SORCS2: variants seen among roughly 807,000 people sequenced by gnomAD.
SORCS2 encodes the protein sortilin related VPS10 domain containing receptor 2.
A neutral mutation model predicts 141.6 loss-of-function variants in SORCS2; 100 were observed. The ratio of observed to expected loss-of-function variants is 0.71; its 90% confidence interval spans 0.60 to 0.83. The LOEUF (loss-of-function observed/expected upper bound fraction) is 0.83. Ranked by LOEUF, SORCS2 falls within the 40% of genes least tolerant of loss-of-function variation. The pLI is 0.00. For missense variants in SORCS2, 1,646 were observed against 1,560.2 expected, an observed-to-expected ratio of 1.05 and a Z score of -0.93; for synonymous variants, 789 against 676.9, an observed-to-expected ratio of 1.17 and a Z score of -2.57.
intron 2 of SORCS2, among the ~76,000 whole-genome samples, chr4:7,404,318 G>A (rs10010529): frequency 0.49 from 74,000 of 151,834 alleles, 19,656 homozygotes; most frequent in Middle Eastern, 0.62. Flanking sequence ...GAGTGCAGGT[G>A]TCTTTTTGAT....
At chr4:7,474,085 A>G (rs7668114) in intron 2 of SORCS2, among the ~76,000 whole-genome samples, 140,539 of 152,242 alleles carry the variant, frequency 0.92, 64,909 homozygotes, top group South Asian at 0.97. Context: ...TCCCCCTCAG[A>G]GCTGGGGACT....
rs914821587 is a variant in SORCS2 at position 7,714,344 on chromosome 4, G to C, written c.2094G>C (p.Val698=). 6.4e-7 allele frequency: 1 copy of C among 1,563,734 alleles called. No homozygotes were observed. The highest frequency in any genetic ancestry group is 1.2e-5 in the South Asian group (1 of 84,874). ...TCACGTCGGCGCTCACGTCCCGCGTGTGCGAGTGCCGGGACTCGGACTTCC... is the reference window on the plus strand; with the variant it reads ...TCACGTCGGCGCTCACGTCCCGCGTCTGCGAGTGCCGGGACTCGGACTTCC... The part of the protein sequence containing the change: ...RSFTSALTSR[V]CECRDSDFLC... The change falls in exon 16 of 27, where the codon GTG becomes GTC. Residue 698 remains valine (V), a synonymous_variant. Transcript: ENST00000507866.
At chr4:7,566,087 A>G (rs1560391298) in intron 3 of SORCS2, among the ~76,000 whole-genome samples, 1 of 149,048 alleles carries the variant, frequency 6.7e-6, no homozygotes, top group Non-Finnish European at 1.5e-5. Context: ...TAATGATGAC[A>G]GAGATGATGA....
At chr4:7,530,509 C>G (rs974451630) in intron 2 of SORCS2, among the ~76,000 whole-genome samples, 1 of 152,224 alleles carries the variant, frequency 6.6e-6, no homozygotes, top group Non-Finnish European at 1.5e-5. Flanking sequence ...TGTGCCTCTC[C>G]CCACCTTGGG....
intron 1 of SORCS2, among the ~76,000 whole-genome samples, chr4:7,247,842 G>A (rs1027816215): frequency 5.3e-5 from 8 of 152,234 alleles, no homozygotes; most frequent in Non-Finnish European, 1.0e-4. Context: ...TAAGCTGGTG[G>A]GTGGGAAAGT....
intron 1 of SORCS2, among the ~76,000 whole-genome samples, chr4:7,370,886 C>A (rs966368550): frequency 1.3e-5 from 2 of 152,148 alleles, no homozygotes; most frequent in African/African-American, 2.4e-5. Flanking sequence ...CTAGCACGTC[C>A]CCTCAATCCC....
intron 1 of SORCS2, among the ~76,000 whole-genome samples, chr4:7,331,701 A>G (rs1415540075): frequency 1.3e-5 from 2 of 152,170 alleles, no homozygotes; most frequent in Non-Finnish European, 2.9e-5. Context: ...GTCGGGGTGA[A>G]GCAGGAAAGT....
At chr4:7,337,536 G>T (rs750488519) in intron 1 of SORCS2, among the ~76,000 whole-genome samples, 5 of 152,130 alleles carry the variant, frequency 3.3e-5, no homozygotes, top group Non-Finnish European at 5.9e-5. Flanking sequence ...GACCTGGCTT[G>T]TTGGAGGAGC....
At chr4:7,267,547 C>A (rs1577339146) in intron 1 of SORCS2, among the ~76,000 whole-genome samples, 1 of 152,176 alleles carries the variant, frequency 6.6e-6, no homozygotes, top group Non-Finnish European at 1.5e-5. Flanking sequence ...ACCAGCTCAG[C>A]CAGCCAGGCA....
chr4:7,199,897 G>A (rs142934005), intron 1 of SORCS2, among the ~76,000 whole-genome samples: 2 of 152,042 alleles, frequency 1.3e-5, no homozygotes, highest in African/African-American at 4.8e-5. Context: ...AAGGTGCCCT[G>A]CCTTGCTGGG....
intron 1 of SORCS2, among the ~76,000 whole-genome samples, chr4:7,272,815 G>A (rs1715235124): frequency 6.6e-6 from 1 of 152,276 alleles, no homozygotes; most frequent in African/African-American, 2.4e-5. Flanking sequence ...GGAAAGGAAT[G>A]TTTCTTCAAA....
intron 4 of SORCS2, among the ~76,000 whole-genome samples, chr4:7,638,743 C>T (rs1176907205): frequency 6.6e-6 from 1 of 152,208 alleles, no homozygotes; most frequent in African/African-American, 2.4e-5. Flanking sequence ...GCACCAGGCT[C>T]AGAGGCTCAA....
At chr4:7,434,616 C>A in intron 2 of SORCS2, 1 of 1,613,406 alleles carries the variant, frequency 6.2e-7, no homozygotes, top group African/African-American at 1.3e-5. Context: ...TCACCAAAGC[C>A]AGGATGTCAG....
chr4:7,423,113 G>A (rs1234003833), intron 2 of SORCS2, among the ~76,000 whole-genome samples: 5 of 150,970 alleles, frequency 3.3e-5, no homozygotes, highest in Admixed American at 6.6e-5. Context: ...CACCTCCTCC[G>A]AGCCACTCCC....
intron 3 of SORCS2, among the ~76,000 whole-genome samples, chr4:7,631,210 G>A (rs1208484932): frequency 6.6e-6 from 1 of 151,592 alleles, no homozygotes; most frequent in Non-Finnish European, 1.5e-5. Flanking sequence ...GCAGCGTCCC[G>A]CGGGCCGGGG....
intron 1 of SORCS2, among the ~76,000 whole-genome samples, chr4:7,321,003 A>G (rs969815490): frequency 1.1e-4 from 17 of 149,068 alleles, no homozygotes; most frequent in African/African-American, 4.2e-4. Flanking sequence ...GATGAATTGT[A>G]TAGTGGGGAA....
At chr4:7,287,364 C>T (rs527995864) in intron 1 of SORCS2, among the ~76,000 whole-genome samples, 10 of 152,374 alleles carry the variant, frequency 6.6e-5, no homozygotes, top group Middle Eastern at 3.4e-3. Context: ...TGCGTCCCAA[C>T]GGGTTCTCAG....
chr4:7,528,614 C>T (rs1471617285), intron 2 of SORCS2, among the ~76,000 whole-genome samples: 4 of 151,912 alleles, frequency 2.6e-5, no homozygotes, highest in Non-Finnish European at 4.4e-5. Flanking sequence ...TTAGTAGAGA[C>T]GAGGTTTCAC....
chr4:7,601,180 T>C (rs557120502), intron 3 of SORCS2, among the ~76,000 whole-genome samples: 85 of 152,336 alleles, frequency 5.6e-4, no homozygotes, highest in African/African-American at 2.0e-3. Flanking sequence ...AATAAGTATC[T>C]TTATCTTCCT....
Sources: gnomAD v4.1 joint callset for allele counts (sites outside exome capture counted in the v4.1 genomes callset) on GRCh38, gnomAD v4.1.1 for gene constraint, MANE v1.5 for transcripts, NCBI Gene and HGNC (gene_info 2026-07-23, HGNC 2026-07-21) for gene names.